TDRD12: variants seen among roughly 807,000 people sequenced by gnomAD.
The protein encoded by TDRD12 is tudor domain containing 12.
Under a neutral mutation model 133.5 loss-of-function variants are expected in TDRD12, and 158 were observed. The ratio of observed to expected loss-of-function variants is 1.18; its 90% CI spans 1.04 to 1.35. The LOEUF (loss-of-function observed/expected upper bound fraction) is 1.35, where lower values mean the gene tolerates loss of function less well. Ranked by LOEUF, TDRD12 falls within the 40% of genes most tolerant of loss-of-function variation. TDRD12 has a pLI of 0.00. For synonymous variants in TDRD12, 460 were observed against 477.9 expected, an observed-to-expected ratio of 0.96 and a Z score of 0.49; for missense variants, 1,443 against 1,321.3, an observed-to-expected ratio of 1.09 and a Z score of -1.43.
intron 9 of TDRD12, among the ~76,000 whole-genome samples, chr19:32,773,084 A>G (rs1379862008): frequency 1.3e-5 from 2 of 152,242 alleles, no homozygotes; most frequent in Admixed American, 6.5e-5. Flanking sequence ...TCTTTCTACA[A>G]AATTGGATAT....
rs79184963 is a variant in TDRD12 at position 32,724,103 on chromosome 19, G to A, written c.24+4007G>A. 8.6e-3 allele frequency among the ~76,000 whole-genome samples: 1,309 copies of A among 152,134 alleles called. 40 individuals are homozygous for A. In the East Asian group the frequency reaches 0.1, roughly 12 times the overall value. ...CTCAAACTCCTGGGCTCAAGCAATCGTCCCACCTCAGCCTCCCAAAGTAAT... is the reference window on the plus strand; with the variant it reads ...CTCAAACTCCTGGGCTCAAGCAATCATCCCACCTCAGCCTCCCAAAGTAAT... On this transcript the variant is annotated intron_variant, in intron 1 of 27. Coordinates refer to ENST00000444215, the Ensembl canonical transcript of TDRD12.
At chr19:32,747,189 A>G (rs919457952) in intron 4 of TDRD12, among the ~76,000 whole-genome samples, 7 of 152,180 alleles carry the variant, frequency 4.6e-5, no homozygotes, top group African/African-American at 1.7e-4. Flanking sequence ...TTACTTGTTC[A>G]TATGTTAGAT....
rs1568444737 is a variant in TDRD12 at position 32,729,195 on chromosome 19, G to GCTTTTT, written c.25-2517_25-2512dup. Reference sequence around the variant, plus strand: ...ATCTTGGGTTCACTTTCTGGTGACTGCTTTTTCTTTTTCTTTTTTTTTTTT... The same window carrying GCTTTTT: ...ATCTTGGGTTCACTTTCTGGTGACTGCTTTTTCTTTTTCTTTTTCTTTTTTTTTTTT... On this transcript the variant is annotated intron_variant, in intron 1 of 27. Coordinates refer to ENST00000444215, the Ensembl canonical transcript of TDRD12. Among the ~76,000 whole-genome samples the GCTTTTT allele has an allele frequency of 5.0e-5, 7 of 140,962 alleles. No individual in the cohort carries two copies. In the East Asian group the frequency reaches 8.2e-4, roughly 17 times the overall value. The allele number at this position is 140,962 out of a possible 152,430, so 92.5% of individuals were successfully genotyped here.
chr19:32,807,213 G>A (rs1971575050), intron 21 of TDRD12, among the ~76,000 whole-genome samples: 1 of 128,812 alleles, frequency 7.8e-6, no homozygotes, highest in Non-Finnish European at 1.5e-5. Flanking sequence ...GCTATGGTGA[G>A]ACATGATCTT....
chr19:32,802,665 A>G, exon 20 of TDRD12: 1 of 1,536,078 alleles, frequency 6.5e-7, no homozygotes, highest in Non-Finnish European at 8.7e-7. Context: ...GCCCTCACAG[A>G]CGACTGCGTC....
At chr19:32,800,028 C>G in intron 16 of TDRD12, 139 bp from the exon 17 acceptor site, 1 of 611,680 alleles carries the variant, frequency 1.6e-6, no homozygotes, top group Non-Finnish European at 2.8e-6. Flanking sequence ...GCCACCACAC[C>G]TGGCCTTTTC....
chr19:32,805,428 T>TC (rs1475061857), intron 21 of TDRD12, among the ~76,000 whole-genome samples: 1 of 151,218 alleles, frequency 6.6e-6, no homozygotes, highest in East Asian at 1.9e-4. Context: ...TAATATGAGA[T>TC]CTGGGGCAAG....
At chr19:32,760,256 A>G (rs1466719724) in intron 8 of TDRD12, among the ~76,000 whole-genome samples, 1 of 152,226 alleles carries the variant, frequency 6.6e-6, no homozygotes, top group African/African-American at 2.4e-5. Flanking sequence ...GTTATGGTGA[A>G]CAATAACAAA....
At chr19:32,735,967 CT>C (rs1969210568) in intron 2 of TDRD12, among the ~76,000 whole-genome samples, 1 of 152,186 alleles carries the variant, frequency 6.6e-6, no homozygotes, top group Non-Finnish European at 1.5e-5. Flanking sequence ...GAGACTCCAT[CT>C]TAAAAAATAA....
In TDRD12 at chr19:32,777,249, C is replaced by T; in HGVS notation, c.1121+20C>T. On this transcript the variant is annotated intron_variant, in intron 11 of 27. Transcript: ENST00000444215. ...TGTGAAGTAAGAATTTTTTCCTTGG[C>T]CTGAATTGTGTATTGAAATAATTAT... 1.5e-6 allele frequency: 2 copies of T among 1,375,624 alleles called. No homozygotes were observed. Among genetic ancestry groups the T allele is most frequent in the Non-Finnish European group, 2.0e-6 (2 of 1,011,986 alleles). The allele number at this position is 1,375,624 out of a possible 1,614,324, so 85.2% of individuals were successfully genotyped here. A position where few individuals can be genotyped will look rare whatever the true frequency, so the allele number is the denominator to read the frequency against.
Position 32,744,691 on chromosome 19 carries a change from G to C in TDRD12, c.440+1791G>C, listed in dbSNP as rs1258022698. Among the ~76,000 whole-genome samples the C allele has an allele frequency of 2.0e-5, 3 of 151,932 alleles. No individual in the cohort carries two copies. The South Asian group carries it at 6.2e-4, about 32-fold the overall frequency. On this transcript the variant is annotated intron_variant, in intron 4 of 27. Transcript: ENST00000444215. ...GGGCAGTTCCCTCTCGGGTGCGGGC[G>C]CCATGTCTGCTGTCTTGAATGAGCA...
chr19:32,823,634 T>G (rs1424388465), downstream of TDRD12, among the ~76,000 whole-genome samples: 1 of 152,198 alleles, frequency 6.6e-6, no homozygotes, highest in Non-Finnish European at 1.5e-5. Context: ...TCATAAAGTT[T>G]GCCCCTGGAT....
At chr19:32,730,404 A>G (rs903564868) in intron 1 of TDRD12, among the ~76,000 whole-genome samples, 1 of 152,058 alleles carries the variant, frequency 6.6e-6, no homozygotes, top group African/African-American at 2.4e-5. Context: ...TCCTTCTTTC[A>G]AGGGTTGAAT....
At chr19:32,730,042 G>A (rs1232912284) in intron 1 of TDRD12, among the ~76,000 whole-genome samples, 3 of 151,778 alleles carry the variant, frequency 2.0e-5, no homozygotes, top group East Asian at 1.9e-4. Flanking sequence ...CGCCCACCTC[G>A]GCCTCCCAAA....
exon 6 of TDRD12, chr19:32,749,824 A>C (rs1329159718): frequency 1.9e-6 from 3 of 1,550,988 alleles, no homozygotes; most frequent in Non-Finnish European, 1.7e-6. Flanking sequence ...CTGTGGAAGA[A>C]GATACATTTG....
At chr19:32,793,323 C>T (rs1971124722) in intron 13 of TDRD12, among the ~76,000 whole-genome samples, 1 of 152,124 alleles carries the variant, frequency 6.6e-6, no homozygotes, top group Non-Finnish European at 1.5e-5. Flanking sequence ...AACGTACTTC[C>T]CTTCCAACCT....
chr19:32,796,120 G>A, intron 14 of TDRD12: 1 of 985,006 alleles, frequency 1.0e-6, no homozygotes, highest in Non-Finnish European at 1.2e-6. Flanking sequence ...CTGGTTTGTG[G>A]CTGTTAGGGG....
At chr19:32,815,618 C>G (rs1434600200) in exon 26 of TDRD12, 3 of 1,529,162 alleles carry the variant, frequency 2.0e-6, no homozygotes, top group Non-Finnish European at 2.6e-6. Context: ...TAAGCCAGAC[C>G]CCGTAAGTGG....
downstream of TDRD12, among the ~76,000 whole-genome samples, chr19:32,821,884 C>T (rs1263502490): frequency 1.3e-5 from 2 of 152,200 alleles, no homozygotes; most frequent in African/African-American, 2.4e-5. Context: ...TGGCTGACCT[C>T]GGCCAGGCTA....
Sources: gnomAD v4.1 joint callset for allele counts (sites outside exome capture counted in the v4.1 genomes callset) on GRCh38, gnomAD v4.1.1 for gene constraint, MANE v1.5 for transcripts, NCBI Gene and HGNC (gene_info 2026-07-23, HGNC 2026-07-21) for gene names.